POU2F2: variants seen among roughly 807,000 people sequenced by gnomAD.
POU2F2 encodes POU class 2 homeobox 2.
In POU2F2, 14 loss-of-function variants were observed where a neutral mutation model predicts 63.5. The observed-to-expected ratio is 0.22, with a 90% CI of 0.15 to 0.34. POU2F2 has a LOEUF of 0.34. Among genes scored for constraint, POU2F2 ranks in the 10% least tolerant of loss-of-function variants. The probability of loss-of-function intolerance (pLI) is 1.00; values close to 1 mark genes in which losing one functional copy is unlikely to be tolerated. For synonymous variants in POU2F2, 306 were observed against 348.6 expected, an observed-to-expected ratio of 0.88 and a Z score of 1.36; for missense variants, 607 against 815.2, an observed-to-expected ratio of 0.74 and a Z score of 3.11.
chr19:42,146,641 G>A lies in POU2F2; in HGVS notation c.-9+13691C>T, dbSNP rs375537683. Among the ~76,000 whole-genome samples, 10 of 87,658 alleles carry A rather than the reference G, an allele frequency of 1.1e-4. No individual in the cohort carries two copies. In the East Asian group the frequency reaches 1.6e-3, roughly 14 times the overall value. 57.5% of individuals were successfully genotyped at this position (87,658 alleles called of 152,430 possible). ...TTACTCAGAGCTCACCTCCTCTGTG[G>A]AGTCTCCTAAGGGAAGGCCCCCCCA... On this transcript the variant is annotated intron_variant, in intron 2 of 6. Transcript: ENST00000524801.
chr19:42,132,529 C>T (rs1245889569), upstream of POU2F2: 1 of 996,964 alleles, frequency 1.0e-6, no homozygotes, highest in African/African-American at 1.7e-5. Context: ...GGTCCGCCCC[C>T]TTCAGAAGGG....
At chr19:42,143,969 G>C (rs2034181028) in intron 2 of POU2F2, among the ~76,000 whole-genome samples, 1 of 152,106 alleles carries the variant, frequency 6.6e-6, no homozygotes. Context: ...TCACGTGCTT[G>C]TTTATTACCT....
chr19:42,170,950 T>C (rs1041783341), intron 1 of POU2F2, among the ~76,000 whole-genome samples: 2 of 152,268 alleles, frequency 1.3e-5, no homozygotes, highest in Admixed American at 6.5e-5. Context: ...TGACCAGCCA[T>C]CTCGGCCATC....
chr19:42,190,804 G>A (rs1286617754), intron 1 of POU2F2, among the ~76,000 whole-genome samples: 2 of 152,136 alleles, frequency 1.3e-5, no homozygotes, highest in South Asian at 2.1e-4. Flanking sequence ...TCGGAGTAAC[G>A]TCGAGGCATA....
chr19:42,167,473 A>T (rs1199937800), intron 1 of POU2F2, among the ~76,000 whole-genome samples: 2 of 152,124 alleles, frequency 1.3e-5, no homozygotes, highest in Admixed American at 1.3e-4. Flanking sequence ...CAAAAAAAAA[A>T]AAAAGCTGCT....
At chr19:42,124,612 G>A (rs936401340) in intron 1 of POU2F2, among the ~76,000 whole-genome samples, 1 of 152,110 alleles carries the variant, frequency 6.6e-6, no homozygotes, top group African/African-American at 2.4e-5. Context: ...AAAGGACATG[G>A]GCAGAATTCT....
chr19:42,148,164 C>T (rs1359767903), intron 2 of POU2F2, among the ~76,000 whole-genome samples: 1 of 152,052 alleles, frequency 6.6e-6, no homozygotes, highest in African/African-American at 2.4e-5. Flanking sequence ...TCCTGCCAAC[C>T]TCATCTCCAC....
upstream of POU2F2, among the ~76,000 whole-genome samples, chr19:42,134,861 A>G (rs1349526735): frequency 6.6e-6 from 1 of 152,102 alleles, no homozygotes; most frequent in Admixed American, 6.5e-5. Context: ...CGACAAGACA[A>G]TAATCGCTTG....
chr19:42,134,877 G>A (rs756220794), upstream of POU2F2, among the ~76,000 whole-genome samples: 3 of 152,116 alleles, frequency 2.0e-5, no homozygotes, highest in Admixed American at 6.5e-5. Flanking sequence ...GCTTGTACGC[G>A]GCCGGCGAGT....
chr19:42,135,319 C>A (rs1384507628), upstream of POU2F2, among the ~76,000 whole-genome samples: 1 of 152,122 alleles, frequency 6.6e-6, no homozygotes, highest in Non-Finnish European at 1.5e-5. Context: ...TGATACCCAC[C>A]TCCCTCTGCC....
At chr19:42,159,501 G>A (rs937526605) in intron 2 of POU2F2, among the ~76,000 whole-genome samples, 1 of 152,128 alleles carries the variant, frequency 6.6e-6, no homozygotes, top group African/African-American at 2.4e-5. Flanking sequence ...GGTGGGAATA[G>A]GGGTGGCAGT....
At position 42,087,567 on chromosome 19, in the gene POU2F2, A is replaced by AGAGAGGTGGTTTAGTTACTGGCATCAAT. The variant is rs2076588264; in HGVS notation, c.*3662_*3689dup. On this transcript the variant is annotated 3_prime_UTR_variant, in exon 15 of 15. Coordinates refer to ENST00000692977, the MANE Select transcript of POU2F2 (RefSeq NM_001394376.1). The stretch of plus-strand genomic sequence containing the variant: ...CACCCCACCCCCCAGAAGAGAACAG[A>AGAGAGGTGGTTTAGTTACTGGCATCAAT]GAGAGGTGGTTTAGTTACTGGCATC... 1 of 138,244 alleles carries AGAGAGGTGGTTTAGTTACTGGCATCAAT rather than the reference A, an allele frequency of 7.2e-6. No homozygotes were observed. Among genetic ancestry groups the AGAGAGGTGGTTTAGTTACTGGCATCAAT allele is most frequent in the Non-Finnish European group, 1.6e-5 (1 of 64,442 alleles). The allele number at this position is 138,244 out of a possible 1,614,324, so 8.6% of individuals were successfully genotyped here.
At chr19:42,136,560 C>A (rs1331902198), upstream of POU2F2, 1 of 152,220 alleles carries the variant, frequency 6.6e-6, no homozygotes, top group Non-Finnish European at 1.5e-5. Flanking sequence ...GGTCTGCTAT[C>A]ATCCTCATTT....
intron 5 of POU2F2, among the ~76,000 whole-genome samples, chr19:42,103,294 C>A (rs929568619): frequency 1.2e-4 from 18 of 152,204 alleles, no homozygotes; most frequent in Non-Finnish European, 2.5e-4. Flanking sequence ...ATGCCCCTCT[C>A]ACTGGAACGT....
intron 5 of POU2F2, among the ~76,000 whole-genome samples, chr19:42,102,041 A>C (rs1258449531): frequency 6.6e-6 from 1 of 152,130 alleles, no homozygotes. Flanking sequence ...CCACTCCTGC[A>C]TGTAACCCAC....
At chr19:42,165,387 G>A (rs2146792863) in intron 1 of POU2F2, among the ~76,000 whole-genome samples, 1 of 152,332 alleles carries the variant, frequency 6.6e-6, no homozygotes, top group South Asian at 2.1e-4. Context: ...AGGAGGAACT[G>A]CTGGAGGGAA....
intron 5 of POU2F2, among the ~76,000 whole-genome samples, chr19:42,107,173 C>T (rs939666484): frequency 6.6e-6 from 1 of 152,002 alleles, no homozygotes; most frequent in Admixed American, 6.6e-5. Context: ...CATGGTGGAA[C>T]CCCATCTCTA....
chr19:42,119,366 T>C (rs773866362), intron 4 of POU2F2, among the ~76,000 whole-genome samples: 2 of 152,166 alleles, frequency 1.3e-5, no homozygotes, highest in Non-Finnish European at 2.9e-5. Context: ...GTGTATCATA[T>C]TTTAATACAA....
chr19:42,150,650 C>A (rs1364447207), intron 2 of POU2F2, among the ~76,000 whole-genome samples: 1 of 151,996 alleles, frequency 6.6e-6, no homozygotes, highest in African/African-American at 2.4e-5. Flanking sequence ...CTGCACCCCC[C>A]TCCCTGCCTC....
Sources: gnomAD v4.1 joint callset for allele counts (sites outside exome capture counted in the v4.1 genomes callset) on GRCh38, gnomAD v4.1.1 for gene constraint, MANE v1.5 for transcripts, NCBI Gene and HGNC (gene_info 2026-07-23, HGNC 2026-07-21) for gene names.